MACROD2: variants seen among roughly 807,000 people sequenced by gnomAD.
MACROD2 encodes the protein ADP-ribose glycohydrolase MACROD2.
A neutral mutation model predicts 70.4 loss-of-function variants in MACROD2; 36 were observed. The ratio of observed to expected loss-of-function variants is 0.51; its 90% CI spans 0.39 to 0.68. MACROD2 has a LOEUF of 0.68. MACROD2 is among the 30% of genes least tolerant of loss of function. MACROD2 has a pLI of 0.00. For missense variants in MACROD2, 496 were observed against 538.4 expected (o/e 0.92, Z 0.78); for synonymous variants, 172 against 178.8 (o/e 0.96, Z 0.30).
intron 8 of MACROD2, among the ~76,000 whole-genome samples, chr20:15,633,155 C>A (rs1016069684): frequency 5.9e-5 from 9 of 152,062 alleles, no homozygotes; most frequent in African/African-American, 2.2e-4. Context: ...GTGGACATTG[C>A]ACTTGTGTAA....
At chr20:14,110,884 T>A (rs191310584) in intron 3 of MACROD2, among the ~76,000 whole-genome samples, 2 of 152,044 alleles carry the variant, frequency 1.3e-5, no homozygotes, top group East Asian at 3.9e-4. Flanking sequence ...AATCCTAAAA[T>A]GTATATGGAA....
chr20:14,762,649 G>A (rs1452592151), intron 5 of MACROD2, among the ~76,000 whole-genome samples: 1 of 152,092 alleles, frequency 6.6e-6, no homozygotes, highest in South Asian at 2.1e-4. Context: ...AGGCAGACAG[G>A]CCAGGTGCAG....
At chr20:14,606,990 T>C (rs944027234) in intron 4 of MACROD2, among the ~76,000 whole-genome samples, 3 of 152,156 alleles carry the variant, frequency 2.0e-5, no homozygotes, top group African/African-American at 4.8e-5. Context: ...CACAAACACA[T>C]GTGATTCAAG....
In MACROD2 at chr20:14,711,396, C is replaced by A. The variant is rs1466733804; in HGVS notation, c.418+26437C>A. On this transcript the variant is annotated intron_variant, in intron 5 of 17. Coordinates refer to ENST00000684519, the MANE Select transcript of MACROD2 (RefSeq NM_001351661.2). ...AAGTTAGAAAAGCCCAAGCTAATCA[C>A]TGTATCATATAGGTTTTCCGAAGGC... 4.6e-5 allele frequency among the ~76,000 whole-genome samples: 7 copies of A among 152,166 alleles called. 1 individual carries two copies. The highest frequency in any genetic ancestry group is 2.6e-4 in the Admixed American group (4 of 15,268).
At chr20:15,708,611 A>T (rs1400621300) in intron 8 of MACROD2, among the ~76,000 whole-genome samples, 2 of 140,436 alleles carry the variant, frequency 1.4e-5, no homozygotes, top group African/African-American at 2.5e-5. Flanking sequence ...ATGCTGGCTC[A>T]CACCTGTGAT....
chr20:14,126,210 C>T (rs970747939), intron 3 of MACROD2, among the ~76,000 whole-genome samples: 4 of 152,178 alleles, frequency 2.6e-5, no homozygotes, highest in Non-Finnish European at 4.4e-5. Flanking sequence ...AGGTCTTTCT[C>T]CTTGGCTTGC....
intron 5 of MACROD2, among the ~76,000 whole-genome samples, chr20:14,926,095 T>C (rs948260233): frequency 2.0e-5 from 3 of 152,208 alleles, no homozygotes; most frequent in African/African-American, 7.2e-5. Context: ...GGTAGCCTCT[T>C]GATGGATATT....
At chr20:15,645,561 C>T (rs2049528565) in intron 8 of MACROD2, among the ~76,000 whole-genome samples, 1 of 152,048 alleles carries the variant, frequency 6.6e-6, no homozygotes, top group African/African-American at 2.4e-5. Flanking sequence ...TGAAAAGCAG[C>T]AAAAGAGAAA....
At position 15,564,147 on chromosome 20, in the gene MACROD2, G is replaced by C. The variant is rs565118517; in HGVS notation, c.645+64300G>C. On this transcript the variant is annotated intron_variant, in intron 8 of 17. Transcript: ENST00000684519. ...TCCTTGAAAGATAATTATACTGTCA[G>C]TTGCCATCACTGTTACTGTGAAAGT... Among the ~76,000 whole-genome samples the C allele has an allele frequency of 2.2e-4, 33 of 152,266 alleles. 1 individual carries two copies. In the South Asian group the frequency reaches 6.4e-3, roughly 30 times the overall value.
intron 5 of MACROD2, among the ~76,000 whole-genome samples, chr20:14,727,254 C>G (rs2071540962): frequency 1.3e-5 from 2 of 152,148 alleles, no homozygotes; most frequent in South Asian, 4.1e-4. Context: ...CCAAGAAATA[C>G]AGGCAGTGGC....
At chr20:14,337,702 G>C (rs1444411604) in intron 3 of MACROD2, 2 of 395,000 alleles carry the variant, frequency 5.1e-6, no homozygotes, top group Non-Finnish European at 8.9e-6. Flanking sequence ...ACTTAGCCAA[G>C]ATCTTGTTCA....
chr20:14,182,915 A>G (rs1434468740), intron 3 of MACROD2, among the ~76,000 whole-genome samples: 2 of 151,748 alleles, frequency 1.3e-5, no homozygotes, highest in Non-Finnish European at 2.9e-5. Context: ...TTTTCTAGCT[A>G]GATCAGCTAA....
At chr20:15,965,069 A>G (rs1294759512) in intron 12 of MACROD2, among the ~76,000 whole-genome samples, 1 of 152,186 alleles carries the variant, frequency 6.6e-6, no homozygotes, top group Non-Finnish European at 1.5e-5. Context: ...ATTCTTTCAT[A>G]TATTTTATTT....
chr20:15,154,805 T>G (rs1470095321), intron 5 of MACROD2, among the ~76,000 whole-genome samples: 1 of 152,188 alleles, frequency 6.6e-6, no homozygotes, highest in Admixed American at 6.5e-5. Context: ...ACATGAATTT[T>G]GGGGGAACAC....
chr20:14,382,592 C>CA (rs2083433041), intron 3 of MACROD2, among the ~76,000 whole-genome samples: 1 of 151,932 alleles, frequency 6.6e-6, no homozygotes, highest in Non-Finnish European at 1.5e-5. Flanking sequence ...CGCTTGAACC[C>CA]AGGTGGCGGA....
At chr20:15,904,697 C>T (rs2065117353) in intron 10 of MACROD2, among the ~76,000 whole-genome samples, 1 of 151,742 alleles carries the variant, frequency 6.6e-6, no homozygotes, top group Non-Finnish European at 1.5e-5. Context: ...TCGAGACCAT[C>T]CTGGCTAACC....
intron 5 of MACROD2, among the ~76,000 whole-genome samples, chr20:15,044,089 A>G (rs1341563528): frequency 6.6e-6 from 1 of 152,162 alleles, no homozygotes; most frequent in African/African-American, 2.4e-5. Flanking sequence ...AATTCAATCT[A>G]CAGCCTATCT....
At chr20:15,536,252 T>G (rs1361727311) in intron 8 of MACROD2, among the ~76,000 whole-genome samples, 1 of 152,230 alleles carries the variant, frequency 6.6e-6, no homozygotes, top group Non-Finnish European at 1.5e-5. Flanking sequence ...CTGGTTTTGT[T>G]CTTTACTGAA....
chr20:14,605,595 C>G (rs1440324478), intron 4 of MACROD2, among the ~76,000 whole-genome samples: 1 of 152,126 alleles, frequency 6.6e-6, no homozygotes, highest in African/African-American at 2.4e-5. Context: ...CCCTAACTGT[C>G]ACAAGATTTT....
Sources: gnomAD v4.1 joint callset for allele counts (sites outside exome capture counted in the v4.1 genomes callset) on GRCh38, gnomAD v4.1.1 for gene constraint, MANE v1.5 for transcripts, NCBI Gene and HGNC (gene_info 2026-07-23, HGNC 2026-07-21) for gene names.